LRRTM4: variants seen among roughly 807,000 people sequenced by gnomAD.
LRRTM4 encodes the protein leucine-rich repeat transmembrane neuronal protein 4.
In LRRTM4, 25 loss-of-function variants were observed where a neutral mutation model predicts 47.6. The ratio of observed to expected loss-of-function variants is 0.53; its 90% CI spans 0.38 to 0.73. The LOEUF (loss-of-function observed/expected upper bound fraction) is 0.73. Among genes scored for constraint, LRRTM4 ranks in the 30% least tolerant of loss-of-function variants. The probability of loss-of-function intolerance (pLI) is 0.00; values close to 1 mark genes in which losing one functional copy is unlikely to be tolerated. For synonymous variants in LRRTM4, 311 were observed against 269.5 expected (o/e 1.15, Z -1.51); for missense variants, 638 against 713.4 (o/e 0.89, Z 1.20).
rs183534253 is a variant in LRRTM4, at chr2:77,383,470, T to G, written c.1551+134848A>C. Among the ~76,000 whole-genome samples the G allele has an allele frequency of 8.1e-4, 123 of 152,168 alleles. 1 individual carries two copies. The highest frequency in any genetic ancestry group is 2.9e-3 in the African/African-American group (119 of 41,560). On this transcript the variant is annotated intron_variant, in intron 3 of 3. Coordinates refer to ENST00000409884, the MANE Select transcript of LRRTM4 (RefSeq NM_001134745.3). ...TCCTCTATTCTGAAAATCACACCTC[T>G]GCATCTATTTGTCAAAGCTTTGATT... is the stretch of plus-strand genomic sequence containing the variant.
chr2:76,766,402 T>A (rs1673457488), intron 3 of LRRTM4, among the ~76,000 whole-genome samples: 1 of 152,180 alleles, frequency 6.6e-6, no homozygotes, highest in Non-Finnish European at 1.5e-5. Flanking sequence ...TCCTTGTCTT[T>A]CTATGTTATC....
chr2:77,456,168 C>T (rs981390083), intron 3 of LRRTM4, among the ~76,000 whole-genome samples: 1 of 152,108 alleles, frequency 6.6e-6, no homozygotes, highest in Non-Finnish European at 1.5e-5. Flanking sequence ...TGCTTGTGAT[C>T]ATAAATTCCA....
chr2:77,438,293 A>G (rs1558743423), intron 3 of LRRTM4, among the ~76,000 whole-genome samples: 1 of 151,460 alleles, frequency 6.6e-6, no homozygotes, highest in East Asian at 1.9e-4. Context: ...CTGTTTTTAT[A>G]TATATTTTGA....
intron 3 of LRRTM4, among the ~76,000 whole-genome samples, chr2:77,045,050 T>G (rs894064347): frequency 1.3e-5 from 2 of 151,834 alleles, no homozygotes; most frequent in African/African-American, 4.8e-5. Flanking sequence ...TTTAAATATG[T>G]GAAAATAAAT....
intron 3 of LRRTM4, among the ~76,000 whole-genome samples, chr2:77,249,166 A>C (rs1185109531): frequency 6.6e-6 from 1 of 152,082 alleles, no homozygotes; most frequent in Non-Finnish European, 1.5e-5. Context: ...CCTGGCCAAC[A>C]TGGTGAAACC....
In LRRTM4 at chr2:76,901,792, T is replaced by G. The variant is rs538862649; in HGVS notation, c.1552-152876A>C. On this transcript the variant is annotated intron_variant, in intron 3 of 3. Coordinates refer to ENST00000409884, the MANE Select transcript of LRRTM4 (RefSeq NM_001134745.3). ...TCACCAAAATTCACTCATTGTTACA[T>G]GCACACTGGATCTGGCAGTAACTTA... 4.6e-5 allele frequency among the ~76,000 whole-genome samples: 7 copies of G among 152,288 alleles called. 2 individuals carry two copies. In the Middle Eastern group the frequency reaches 0.02, roughly 444 times the overall value.
chr2:77,405,343 C>T (rs1674140891), intron 3 of LRRTM4, among the ~76,000 whole-genome samples: 1 of 152,060 alleles, frequency 6.6e-6, no homozygotes, highest in South Asian at 2.1e-4. Flanking sequence ...CACCCCAGAA[C>T]ATGGTAGAGG....
At chr2:77,220,706 GA>G (rs1180442656) in intron 3 of LRRTM4, among the ~76,000 whole-genome samples, 6 of 152,200 alleles carry the variant, frequency 3.9e-5, no homozygotes, top group South Asian at 4.1e-4. Flanking sequence ...GGGACTATGT[GA>G]AAAGACCAAA....
At chr2:77,323,998 T>G (rs1188930447) in intron 3 of LRRTM4, among the ~76,000 whole-genome samples, 1 of 152,148 alleles carries the variant, frequency 6.6e-6, no homozygotes, top group African/African-American at 2.4e-5. Flanking sequence ...TCGTCATAAT[T>G]ACTAGGCTTG....
chr2:77,275,723 AGCC>A (rs2104083581), intron 3 of LRRTM4, among the ~76,000 whole-genome samples: 1 of 152,224 alleles, frequency 6.6e-6, no homozygotes, highest in Non-Finnish European at 1.5e-5. Flanking sequence ...TAGCAGTACT[AGCC>A]AAGCTTGAAC....
intron 3 of LRRTM4, among the ~76,000 whole-genome samples, chr2:77,302,222 T>C (rs1487777962): frequency 1.3e-5 from 2 of 152,180 alleles, no homozygotes; most frequent in Non-Finnish European, 2.9e-5. Flanking sequence ...AAAATATGCA[T>C]CTAATACAGA....
At chr2:77,267,057 G>C (rs1676068789) in intron 3 of LRRTM4, among the ~76,000 whole-genome samples, 1 of 152,100 alleles carries the variant, frequency 6.6e-6, no homozygotes, top group East Asian at 1.9e-4. Flanking sequence ...CTGTACAGTT[G>C]AAGCCACAAG....
intron 3 of LRRTM4, among the ~76,000 whole-genome samples, chr2:77,028,690 A>C (rs1678538314): frequency 6.6e-6 from 1 of 152,012 alleles, no homozygotes; most frequent in South Asian, 2.1e-4. Flanking sequence ...TAAAAATAGG[A>C]TGATGATATA....
At chr2:77,137,999 G>A (rs1056666621) in intron 3 of LRRTM4, among the ~76,000 whole-genome samples, 2 of 152,068 alleles carry the variant, frequency 1.3e-5, no homozygotes, top group Non-Finnish European at 2.9e-5. Context: ...ACTACCAACA[G>A]ACTTAGACTC....
intron 3 of LRRTM4, among the ~76,000 whole-genome samples, chr2:77,145,729 A>G (rs1237887874): frequency 6.6e-6 from 1 of 151,876 alleles, no homozygotes; most frequent in Non-Finnish European, 1.5e-5. Context: ...AGCAGAGATC[A>G]TGCCACTACA....
chr2:76,974,602 T>G (rs968660353), intron 3 of LRRTM4, among the ~76,000 whole-genome samples: 2 of 151,522 alleles, frequency 1.3e-5, no homozygotes, highest in Admixed American at 1.3e-4. Flanking sequence ...CAAGTATATA[T>G]CCACTTTCAT....
At chr2:77,198,924 C>T (rs1673901872) in intron 3 of LRRTM4, among the ~76,000 whole-genome samples, 1 of 152,150 alleles carries the variant, frequency 6.6e-6, no homozygotes, top group African/African-American at 2.4e-5. Context: ...CTTCCGCAGA[C>T]TGTAAATGCT....
At chr2:77,271,140 C>T (rs1000775756) in intron 3 of LRRTM4, among the ~76,000 whole-genome samples, 2 of 152,154 alleles carry the variant, frequency 1.3e-5, no homozygotes, top group East Asian at 1.9e-4. Flanking sequence ...TAAAATTCTT[C>T]GCCTTCACAA....
intron 3 of LRRTM4, among the ~76,000 whole-genome samples, chr2:76,947,138 C>T (rs1381396102): frequency 6.6e-6 from 1 of 151,796 alleles, no homozygotes; most frequent in Non-Finnish European, 1.5e-5. Context: ...GTGCCCTTGT[C>T]AACTGAACAT....
Sources: gnomAD v4.1 joint callset for allele counts (sites outside exome capture counted in the v4.1 genomes callset) on GRCh38, gnomAD v4.1.1 for gene constraint, MANE v1.5 for transcripts, NCBI Gene and HGNC (gene_info 2026-07-23, HGNC 2026-07-21) for gene names.